The following PHF11 variants were observed in gnomAD, a reference collection of about 807,000 sequenced individuals.
PHF11 encodes PHD finger protein 11.
A neutral mutation model predicts 40.5 loss-of-function variants in PHF11; 38 were observed. That is an observed-to-expected ratio of 0.94 (90% CI 0.72 to 1.23). The LOEUF (loss-of-function observed/expected upper bound fraction) is 1.23. PHF11 is among the 50% of genes most tolerant of loss of function. The pLI is 0.00. For synonymous variants in PHF11, 127 were observed against 138.2 expected, an observed-to-expected ratio of 0.92 and a Z score of 0.57; for missense variants, 369 against 392.4, an observed-to-expected ratio of 0.94 and a Z score of 0.50.
chr13:49,504,446 ACT>A (rs1958949938), intron 1 of PHF11, among the ~76,000 whole-genome samples: 1 of 150,344 alleles, frequency 6.7e-6, no homozygotes, highest in Non-Finnish European at 1.5e-5. Flanking sequence ...ACAGAGCGAG[ACT>A]CTGTCTAAAA....
intron 1 of PHF11, among the ~76,000 whole-genome samples, chr13:49,504,117 C>A (rs1467146284): frequency 1.3e-5 from 2 of 151,946 alleles, no homozygotes; most frequent in African/African-American, 4.8e-5. Context: ...TGTTGGACAG[C>A]ATCGGTCTAG....
chr13:49,526,687 C>CA (rs933431516), intron 9 of PHF11, among the ~76,000 whole-genome samples: 12 of 145,912 alleles, frequency 8.2e-5, no homozygotes, highest in African/African-American at 2.8e-4. Context: ...CTGGTGGAGA[C>CA]AGTAGTTGGT....
chr13:49,518,595 A>C (rs962058753), intron 4 of PHF11: 1 of 152,268 alleles, frequency 6.6e-6, no homozygotes, highest in Non-Finnish European at 1.5e-5. Context: ...ATGTTAACTC[A>C]TTTAATCCTC....
chr13:49,517,715 A>T (rs1413160526), intron 3 of PHF11, among the ~76,000 whole-genome samples: 1 of 152,182 alleles, frequency 6.6e-6, no homozygotes, highest in East Asian at 1.9e-4. Flanking sequence ...GCTTTTTAGA[A>T]AATTCTTTTT....
chr13:49,519,338 G>T (rs529633469), intron 4 of PHF11, among the ~76,000 whole-genome samples: 30 of 151,990 alleles, frequency 2.0e-4, no homozygotes, highest in African/African-American at 7.2e-4. Flanking sequence ...CCTTTACAAT[G>T]ACCTTAAACA....
intron 1 of PHF11, among the ~76,000 whole-genome samples, chr13:49,501,000 G>GTGTTTTTT (rs1958892159): frequency 1.9e-5 from 1 of 51,310 alleles, no homozygotes; most frequent in African/African-American, 9.1e-5. Context: ...ACCAACTTTT[G>GTGTTTTTT]TTTTTTTTTT....
At chr13:49,522,821 A>G (rs1959196055) in intron 6 of PHF11, among the ~76,000 whole-genome samples, 1 of 139,058 alleles carries the variant, frequency 7.2e-6, no homozygotes, top group African/African-American at 2.7e-5. Context: ...ATGGAGTGCA[A>G]TGGTGTGATC....
chr13:49,517,141 A>G (rs1566193544), intron 3 of PHF11, among the ~76,000 whole-genome samples: 1 of 152,176 alleles, frequency 6.6e-6, no homozygotes, highest in Non-Finnish European at 1.5e-5. Context: ...TCGTTCTTGT[A>G]TGCTCTGATT....
At chr13:49,509,315 C>T (rs376076813) in intron 2 of PHF11, among the ~76,000 whole-genome samples, 5 of 151,668 alleles carry the variant, frequency 3.3e-5, no homozygotes, top group Admixed American at 2.0e-4. Flanking sequence ...CAGGTTCAAG[C>T]GATTCTCCTG....
intron 9 of PHF11, among the ~76,000 whole-genome samples, chr13:49,527,578 T>TGTC (rs1394058120): frequency 1.3e-5 from 2 of 152,070 alleles, no homozygotes; most frequent in African/African-American, 4.8e-5. Flanking sequence ...CCAAAAAGAG[T>TGTC]GTCTGTCTTA....
intron 2 of PHF11, among the ~76,000 whole-genome samples, chr13:49,510,219 T>A (rs574786034): frequency 6.6e-6 from 1 of 152,100 alleles, no homozygotes; most frequent in African/African-American, 2.4e-5. Flanking sequence ...AGAGATGGGG[T>A]TTTGCCATGT....
At chr13:49,521,402 C>A (rs1959186917) in intron 5 of PHF11, 9 of 987,414 alleles carry the variant, frequency 9.1e-6, no homozygotes, top group Non-Finnish European at 1.1e-5. Flanking sequence ...AGTGGAACAG[C>A]AGTGTCTTAG....
intron 1 of PHF11, among the ~76,000 whole-genome samples, chr13:49,500,413 G>A (rs1179740146): frequency 6.6e-6 from 1 of 152,160 alleles, no homozygotes; most frequent in African/African-American, 2.4e-5. Context: ...CTGTCCAAAT[G>A]TATGTGGTCC....
At chr13:49,524,568 A>G (rs7337344) in intron 8 of PHF11, among the ~76,000 whole-genome samples, 69,972 of 150,816 alleles carry the variant, frequency 0.46, 16,947 homozygotes, top group Middle Eastern at 0.57. Context: ...TCTGCCTCCC[A>G]AGTTCAAGCG....
chr13:49,520,901 T>G lies in PHF11; in HGVS notation c.466T>G (p.Cys156Gly). Residue 156 changes from cysteine (C) to glycine (G), a missense_variant, in exon 5 of 10, where the codon TGC (cysteine) becomes GGC (glycine). By Grantham distance (159) the Cys-to-Gly change is radical. Transcript: ENST00000378319. ...TGAAATTAAATATTTCAGACTGCTT[T>G]GCCAGCAACATGCTCAATTCCCGAT... ...DGVRGIYKLL[C>G]QQHAQFPIIA... The G allele has an allele frequency of 6.3e-7, 1 of 1,576,626 alleles. No individual in the cohort carries two copies. Among genetic ancestry groups the G allele is most frequent in the Non-Finnish European group, 8.7e-7 (1 of 1,152,848 alleles).
At chr13:49,520,778 T>C (rs1959183760) in intron 4 of PHF11, 116 bp from the exon 5 acceptor site, 1 of 673,874 alleles carries the variant, frequency 1.5e-6, no homozygotes, top group Non-Finnish European at 2.4e-6. Context: ...AAAAAAACTT[T>C]AGTGTGACGC....
chr13:49,510,575 T>G (rs974397723), intron 2 of PHF11, among the ~76,000 whole-genome samples: 1 of 152,156 alleles, frequency 6.6e-6, no homozygotes, highest in African/African-American at 2.4e-5. Flanking sequence ...ACTCCTGGGC[T>G]TAAGCAATTC....
intron 8 of PHF11, among the ~76,000 whole-genome samples, 154 bp downstream of exon 8, chr13:49,524,370 T>C (rs889073107): frequency 6.6e-6 from 1 of 152,170 alleles, no homozygotes; most frequent in Non-Finnish European, 1.5e-5. Flanking sequence ...TTTATTTCAC[T>C]TTTTGGTTTT....
At chr13:49,517,577 C>T (rs546311427) in intron 3 of PHF11, among the ~76,000 whole-genome samples, 1 of 152,030 alleles carries the variant, frequency 6.6e-6, no homozygotes, top group South Asian at 2.1e-4. Context: ...TTATCACCCA[C>T]AGCAGGTTCT....
Sources: gnomAD v4.1 joint callset for allele counts (sites outside exome capture counted in the v4.1 genomes callset) on GRCh38, gnomAD v4.1.1 for gene constraint, MANE v1.5 for transcripts, NCBI Gene and HGNC (gene_info 2026-07-23, HGNC 2026-07-21) for gene names.